The following R3HDM2 variants were observed in gnomAD, a reference collection of about 807,000 sequenced individuals.
R3HDM2 encodes R3H domain containing 2.
A neutral mutation model predicts 124.5 loss-of-function variants in R3HDM2; 38 were observed. That is an observed-to-expected ratio of 0.31 (90% CI 0.24 to 0.40). The LOEUF (loss-of-function observed/expected upper bound fraction) is 0.40, where lower values mean the gene tolerates loss of function less well. Among genes scored for constraint, R3HDM2 ranks in the 10% least tolerant of loss-of-function variants. The pLI, the probability that R3HDM2 is intolerant of heterozygous loss-of-function variation, is 1.00. For missense variants in R3HDM2, 869 were observed against 1,236.9 expected (o/e 0.70, Z 4.46); for synonymous variants, 391 against 448.0 (o/e 0.87, Z 1.61).
intron 12 of R3HDM2, 114 bp downstream of exon 12, chr12:57,288,895 G>T: frequency 6.4e-7 from 1 of 1,551,492 alleles, no homozygotes; most frequent in Non-Finnish European, 8.7e-7. Context: ...TAGAAGAAAA[G>T]GCTTCTTTGG....
At chr12:57,411,708 A>T (rs2069020061) in intron 1 of R3HDM2, among the ~76,000 whole-genome samples, 1 of 152,216 alleles carries the variant, frequency 6.6e-6, no homozygotes, top group Non-Finnish European at 1.5e-5. Context: ...CAAGACTAAT[A>T]CTATTTTGGA....
rs528132984 is a variant in R3HDM2 at position 57,387,816 on chromosome 12, G to A, written c.-36+7933C>T. ...TGTCCAATGGATAGTTACACCAGTG[G>A]AACTGGAAATCTAGAACACCAAACT... On this transcript the variant is annotated intron_variant, in intron 2 of 23. Transcript: ENST00000402412. Among the ~76,000 whole-genome samples the A allele has an allele frequency of 1.4e-3, 206 of 152,276 alleles. 1 individual carries two copies. Among genetic ancestry groups the A allele is most frequent in the Non-Finnish European group, 2.4e-3 (161 of 68,038 alleles).
chr12:57,431,119 A>C (rs1229181709), upstream of R3HDM2: 1 of 152,126 alleles, frequency 6.6e-6, no homozygotes, highest in Non-Finnish European at 1.5e-5. Flanking sequence ...GCCCCTCAGC[A>C]GCCCTGCGGG....
At chr12:57,336,624 G>A (rs936611445) in intron 2 of R3HDM2, among the ~76,000 whole-genome samples, 4 of 152,094 alleles carry the variant, frequency 2.6e-5, no homozygotes, top group African/African-American at 2.4e-5. Flanking sequence ...AAGAACTTGT[G>A]GACACAAAGA....
chr12:57,254,813 T>C lies in R3HDM2; in HGVS notation c.2933A>G (p.Asn978Ser). The change falls in exon 24 of 24, where the codon AAC becomes AGC. Residue 978 changes from asparagine to serine, a missense_variant. This residue lies in a region of R3HDM2 where 602 missense variants were observed against 789.2 expected (regional missense o/e 0.76). Coordinates refer to ENST00000402412, the MANE Select transcript of R3HDM2 (RefSeq NM_001394031.1). The part of the protein sequence containing the change: ...SRFKLRMAKK[N>S]YDLRILERAS... ...TCGCTCCAGGATCCTCAGGTCATAG[T>C]TCTTTTTGGCCATTCGAAGTTTGAA... is the stretch of plus-strand genomic sequence containing the variant. 6.2e-7 allele frequency: 1 copy of C among 1,604,852 alleles called. No individual in the cohort carries two copies. The highest frequency in any genetic ancestry group is 1.1e-5 in the South Asian group (1 of 89,918).
chr12:57,331,907 C>CT (rs2058248764), intron 2 of R3HDM2, among the ~76,000 whole-genome samples: 1 of 149,564 alleles, frequency 6.7e-6, no homozygotes, highest in South Asian at 2.1e-4. Flanking sequence ...GAGCAAGACT[C>CT]TGTCTAAAAA....
At chr12:57,342,412 G>C (rs532749565) in intron 2 of R3HDM2, among the ~76,000 whole-genome samples, 3 of 152,076 alleles carry the variant, frequency 2.0e-5, no homozygotes, top group South Asian at 4.1e-4. Flanking sequence ...CCATGGCCCA[G>C]CTGTTCAGAG....
chr12:57,290,395 A>G (rs1260262182), intron 11 of R3HDM2, among the ~76,000 whole-genome samples: 1 of 152,196 alleles, frequency 6.6e-6, no homozygotes, highest in Non-Finnish European at 1.5e-5. Context: ...TAGACTCTGG[A>G]GCCAGGCTGA....
At chr12:57,383,885 CA>C (rs1011923228) in intron 2 of R3HDM2, among the ~76,000 whole-genome samples, 1 of 151,780 alleles carries the variant, frequency 6.6e-6, no homozygotes, top group African/African-American at 2.4e-5. Context: ...ATTCCTGTTC[CA>C]AAAAAATAAA....
chr12:57,386,129 T>A (rs2065706664), intron 2 of R3HDM2, among the ~76,000 whole-genome samples: 1 of 149,064 alleles, frequency 6.7e-6, no homozygotes, highest in Non-Finnish European at 1.5e-5. Flanking sequence ...TGCAATAGGT[T>A]TGAGAGGTGA....
intron 4 of R3HDM2, 91 bp from the exon 5 acceptor site, chr12:57,300,272 G>T: frequency 8.8e-7 from 1 of 1,132,032 alleles, no homozygotes; most frequent in Non-Finnish European, 1.3e-6. Flanking sequence ...TTGGCTGAAT[G>T]AAAAGTGTCC....
At chr12:57,278,476 TA>T (rs1036480976) in intron 14 of R3HDM2, among the ~76,000 whole-genome samples, 1 of 152,040 alleles carries the variant, frequency 6.6e-6, no homozygotes, top group African/African-American at 2.4e-5. Flanking sequence ...GCAAGACTAT[TA>T]AAATACACAT....
At chr12:57,311,383 G>A (rs974317364) in intron 2 of R3HDM2, among the ~76,000 whole-genome samples, 4 of 63,272 alleles carry the variant, frequency 6.3e-5, no homozygotes, top group Admixed American at 1.7e-4. Flanking sequence ...CCGCCACCAC[G>A]CTCAGCTAAT....
chr12:57,364,693 G>A (rs1028232536), intron 2 of R3HDM2, among the ~76,000 whole-genome samples: 2 of 151,820 alleles, frequency 1.3e-5, no homozygotes, highest in African/African-American at 4.8e-5. Flanking sequence ...AGTGGCTCAC[G>A]CCTGTAATCC....
At chr12:57,361,267 T>C (rs1431071395) in intron 2 of R3HDM2, among the ~76,000 whole-genome samples, 5 of 148,500 alleles carry the variant, frequency 3.4e-5, no homozygotes, top group South Asian at 2.1e-4. Context: ...CCCAGCTACT[T>C]GGGAGGCTGA....
At chr12:57,337,084 G>C (rs2058948111) in intron 2 of R3HDM2, among the ~76,000 whole-genome samples, 1 of 152,146 alleles carries the variant, frequency 6.6e-6, no homozygotes, top group Non-Finnish European at 1.5e-5. Flanking sequence ...CTAAACCTGA[G>C]AAAATCTTTT....
At position 57,296,286 on chromosome 12, in the gene R3HDM2, G is replaced by A. The variant is rs1259198104; in HGVS notation, c.701+125C>T. 8.8e-7 allele frequency: 1 copy of A among 1,130,918 alleles called. No individual in the cohort carries two copies. Among genetic ancestry groups the A allele is most frequent in the Non-Finnish European group, 1.3e-6 (1 of 797,330 alleles). The allele number at this position is 1,130,918 out of a possible 1,614,324, so 70.1% of individuals were successfully genotyped here. ...TCCCATCTTGGCCTCCCAAAGTGCTGGGATTACAGGTGTGAGCCACCACGC... is the reference window on the plus strand; with the variant it reads ...TCCCATCTTGGCCTCCCAAAGTGCTAGGATTACAGGTGTGAGCCACCACGC... On this transcript the variant is annotated intron_variant, in intron 9 of 23. Coordinates refer to ENST00000402412, the MANE Select transcript of R3HDM2 (RefSeq NM_001394031.1). This position sits in a 1 kb window ranked among gnomAD's most constrained non-coding sequence, Gnocchi z 4.5.
chr12:57,256,581 G>T, intron 21 of R3HDM2, 70 bp from the exon 22 acceptor site: 1 of 1,178,858 alleles, frequency 8.5e-7, no homozygotes, highest in South Asian at 1.5e-5. Context: ...AGACTTCAAG[G>T]GGCTTTGGAG....
At chr12:57,298,878 G>A (rs2050472364) in intron 6 of R3HDM2, among the ~76,000 whole-genome samples, 4 of 152,052 alleles carry the variant, frequency 2.6e-5, no homozygotes, top group African/African-American at 4.8e-5. Flanking sequence ...CAAGAAAATC[G>A]CTTGAACTCG....
Sources: allele counts gnomAD v4.1 joint callset (sites outside exome capture counted in the v4.1 genomes callset), GRCh38; gene constraint gnomAD v4.1.1; regional missense constraint gnomAD v4.1.1; non-coding constraint Gnocchi (gnomAD v3.1); transcripts MANE v1.5; gene names NCBI Gene and HGNC (gene_info 2026-07-23, HGNC 2026-07-21).